Variants in TLN2 observed in about 807,000 individuals in gnomAD.
TLN2 encodes the protein talin-2.
In TLN2, 118 loss-of-function variants were observed where a neutral mutation model predicts 294.7. That is an observed-to-expected ratio of 0.40 (90% CI 0.34 to 0.47). TLN2 has a LOEUF of 0.47. Among genes scored for constraint, TLN2 ranks in the 20% least tolerant of loss-of-function variants. The pLI, the probability that TLN2 is intolerant of heterozygous loss-of-function variation, is 0.84. For synonymous variants in TLN2, 1,431 were observed against 1,304.5 expected (o/e 1.10, Z -2.09); for missense variants, 3,083 against 3,282.2 (o/e 0.94, Z 1.48).
rs2049241654 is a variant in TLN2 at position 62,625,909 on chromosome 15, A to T, written c.-37+7434A>T. Among the ~76,000 whole-genome samples, 5 of 152,220 alleles carry T rather than the reference A, an allele frequency of 3.3e-5. 1 individual carries two copies. The South Asian group carries it at 1.0e-3, about 32-fold the overall frequency. Reference sequence around the variant, plus strand: ...AGGGCCCACTCCTGTGTGAGTGTGCAATAGAGGGGGACTGGGGATGTCTAG... The same window carrying T: ...AGGGCCCACTCCTGTGTGAGTGTGCTATAGAGGGGGACTGGGGATGTCTAG... On this transcript the variant is annotated intron_variant, in intron 3 of 58. Transcript: ENST00000636159.
rs370754204 is a variant in TLN2, at chr15:62,408,158, C to T, written c.-238+17473C>T. Among the ~76,000 whole-genome samples, 8 of 151,832 alleles carry T rather than the reference C, an allele frequency of 5.3e-5. No homozygotes were observed. The East Asian group carries it at 1.5e-3, about 29-fold the overall frequency. ...TGTGCTACACAGATGTACCTTGTACCACAGTGGAGTGGCGGGTGGGAGGTA... is the reference window on the plus strand; with the variant it reads ...TGTGCTACACAGATGTACCTTGTACTACAGTGGAGTGGCGGGTGGGAGGTA... On this transcript the variant is annotated intron_variant, in intron 1 of 58. Coordinates refer to ENST00000636159, the MANE Select transcript of TLN2 (RefSeq NM_015059.3).
chr15:62,840,453 G>GAA, intron 58 of TLN2, 29 bp from the exon 59 acceptor site: 7 of 1,613,410 alleles, frequency 4.3e-6, no homozygotes, highest in Non-Finnish European at 5.9e-6. Context: ...AAAGTGTTAG[G>GAA]TCCATCCAGC....
chr15:62,481,574 T>A (rs1244032065), intron 1 of TLN2, among the ~76,000 whole-genome samples: 3 of 151,934 alleles, frequency 2.0e-5, no homozygotes, highest in Non-Finnish European at 4.4e-5. Flanking sequence ...GATGCCCGGG[T>A]TGGTCTAGAA....
At position 62,520,809 on chromosome 15, in the gene TLN2, A is replaced by G. The variant is rs115107965; in HGVS notation, c.-237-68878A>G. On this transcript the variant is annotated intron_variant, in intron 1 of 58. Coordinates refer to ENST00000636159, the MANE Select transcript of TLN2 (RefSeq NM_015059.3). ...TCTCTTAAGGGAGATAGAGCGATTTAAAAAATAATCTCTGAGGGCTATCTG... is the reference window on the plus strand; with the variant it reads ...TCTCTTAAGGGAGATAGAGCGATTTGAAAAATAATCTCTGAGGGCTATCTG... Among the ~76,000 whole-genome samples, 408 of 152,318 alleles carry G rather than the reference A, an allele frequency of 2.7e-3. 1 individual carries two copies. Among genetic ancestry groups the G allele is most frequent in the African/African-American group, 9.4e-3 (390 of 41,566 alleles).
chr15:62,440,981 G>A (rs1361120508), intron 1 of TLN2, among the ~76,000 whole-genome samples: 1 of 152,084 alleles, frequency 6.6e-6, no homozygotes, highest in East Asian at 1.9e-4. Flanking sequence ...TAGTCACATT[G>A]GTATATAATA....
intron 54 of TLN2, chr15:62,830,194 TA>T (rs1347593823): frequency 6.6e-6 from 1 of 152,162 alleles, no homozygotes; most frequent in Non-Finnish European, 1.5e-5. Flanking sequence ...ATCCCCTTTA[TA>T]AACCAGAAGG....
chr15:62,558,132 A>G (rs565484094), intron 1 of TLN2, among the ~76,000 whole-genome samples: 17 of 152,358 alleles, frequency 1.1e-4, no homozygotes, highest in Non-Finnish European at 2.5e-4. Context: ...CGTTTTACTA[A>G]TTTAAATCGT....
At chr15:62,533,075 G>T (rs1204602158) in intron 1 of TLN2, among the ~76,000 whole-genome samples, 2 of 151,908 alleles carry the variant, frequency 1.3e-5, no homozygotes, top group Non-Finnish European at 1.5e-5. Context: ...CCAAAGTGGT[G>T]AAACCCTGTC....
chr15:62,827,806 T>G, intron 54 of TLN2: 1 of 152,230 alleles, frequency 6.6e-6, no homozygotes, highest in South Asian at 2.1e-4. Context: ...GAGCATCTCC[T>G]ATGAGTCAGC....
chr15:62,625,522 T>C (rs7176806), intron 3 of TLN2, among the ~76,000 whole-genome samples: 6,805 of 151,540 alleles, frequency 0.045, 543 homozygotes, highest in African/African-American at 0.16. Context: ...GTCTTGGAGG[T>C]TTCTGCATCC....
intron 1 of TLN2, among the ~76,000 whole-genome samples, chr15:62,546,232 C>G (rs1266759284): frequency 3.9e-5 from 6 of 152,170 alleles, no homozygotes; most frequent in African/African-American, 2.4e-5. Context: ...TTGCTGCAAA[C>G]CACTTGGCTT....
intron 32 of TLN2, among the ~76,000 whole-genome samples, chr15:62,743,826 C>T (rs959607003): frequency 2.6e-5 from 4 of 152,128 alleles, no homozygotes; most frequent in East Asian, 3.9e-4. Context: ...AAGCCCACAG[C>T]GGCCAGCATC....
intron 2 of TLN2, among the ~76,000 whole-genome samples, chr15:62,595,382 T>G (rs938189220): frequency 7.3e-6 from 1 of 137,778 alleles, no homozygotes; most frequent in Non-Finnish European, 1.5e-5. Flanking sequence ...ATCGTGCCAT[T>G]GCACTCCAGC....
rs1376862997 is a variant in TLN2 at position 62,727,179 on chromosome 15, A to C, written c.3348A>C (p.Glu1116Asp). 1.2e-6 allele frequency: 2 copies of C among 1,614,116 alleles called. No homozygotes were observed. Among genetic ancestry groups the C allele is most frequent in the Admixed American group, 3.3e-5 (2 of 60,014 alleles). The change falls in exon 28 of 59, where the codon GAA (glutamate) becomes GAC (aspartate). Residue 1116 changes from glutamate (E) to aspartate (D), a missense_variant. By Grantham distance (45) the Glu-to-Asp change is conservative. Coordinates refer to ENST00000636159, the MANE Select transcript of TLN2 (RefSeq NM_015059.3). ...TGACCTGTGCTGCTCAAGGCAACGA[A>C]CACTACACAGGTGAGACCCACGCCC... ...QLLTCAAQGN[E>D]HYTGVAARET...
intron 22 of TLN2, among the ~76,000 whole-genome samples, chr15:62,715,766 C>G (rs1376709594): frequency 6.6e-6 from 1 of 152,178 alleles, no homozygotes; most frequent in Non-Finnish European, 1.5e-5. Context: ...AACTCTGTCT[C>G]TCTAGGAATG....
chr15:62,607,789 CTCTT>C lies in TLN2; in HGVS notation c.-161-10558_-161-10555del, dbSNP rs1283377298. 1.6e-4 allele frequency among the ~76,000 whole-genome samples: 24 copies of C among 152,282 alleles called. 1 individual carries two copies. In the Middle Eastern group the frequency reaches 0.01, roughly 65 times the overall value. On this transcript the variant is annotated intron_variant, in intron 2 of 58. Coordinates refer to ENST00000636159, the MANE Select transcript of TLN2 (RefSeq NM_015059.3). ...TATGTGTATGTATGCACATACACCT[CTCTT>C]TCTGAGTTCACCATCCACATGCCAT...
At chr15:62,444,353 G>A (rs2035707557) in intron 1 of TLN2, among the ~76,000 whole-genome samples, 1 of 152,256 alleles carries the variant, frequency 6.6e-6, no homozygotes, top group South Asian at 2.1e-4. Flanking sequence ...GGATGCAGTG[G>A]TTTGAATCTT....
In TLN2 at chr15:62,841,981, C is replaced by CTCTG. The variant is rs2070756418; in HGVS notation, c.*1374_*1375insGTCT. 6.6e-6 allele frequency: 1 copy of CTCTG among 152,048 alleles called. No individual in the cohort carries two copies. The highest frequency in any genetic ancestry group is 2.4e-5 in the African/African-American group (1 of 41,346). 9.4% of individuals were successfully genotyped at this position (152,048 alleles called of 1,614,324 possible). A position where few individuals can be genotyped will look rare whatever the true frequency, so the allele number is the denominator to read the frequency against. On this transcript the variant is annotated 3_prime_UTR_variant, in exon 59 of 59. Coordinates refer to ENST00000636159, the MANE Select transcript of TLN2 (RefSeq NM_015059.3). The stretch of plus-strand genomic sequence containing the variant: ...TCACCCTCCGCCTCTCTCTCTCTCT[C>CTCTG]TCTCTCTGGTGTGCTATCATGTCTT...
At chr15:62,484,147 A>G (rs2038255243) in intron 1 of TLN2, among the ~76,000 whole-genome samples, 1 of 152,152 alleles carries the variant, frequency 6.6e-6, no homozygotes, top group African/African-American at 2.4e-5. Flanking sequence ...CAGAGGAAGG[A>G]CAAAAGCTGG....
Sources: allele counts gnomAD v4.1 joint callset (sites outside exome capture counted in the v4.1 genomes callset), GRCh38; gene constraint gnomAD v4.1.1; transcripts MANE v1.5; gene names NCBI Gene and HGNC (gene_info 2026-07-23, HGNC 2026-07-21).